The following AARS1 variants were observed in gnomAD, a reference collection of about 807,000 sequenced individuals.
AARS1 encodes the protein alanyl-tRNA synthetase 1.
In AARS1, 72 loss-of-function variants were observed where a neutral mutation model predicts 108.9. The ratio of observed to expected loss-of-function variants is 0.66; its 90% CI spans 0.55 to 0.80. The LOEUF (loss-of-function observed/expected upper bound fraction) is 0.80, where lower values mean the gene tolerates loss of function less well. AARS1 is among the 30% of genes least tolerant of loss of function. The pLI, the probability that AARS1 is intolerant of heterozygous loss-of-function variation, is 0.00. For missense variants in AARS1, 1,193 were observed against 1,233.2 expected (o/e 0.97, Z 0.49); for synonymous variants, 489 against 465.7 (o/e 1.05, Z -0.64).
At chr16:70,258,807 G>A (rs570260020) in intron 14 of AARS1, among the ~76,000 whole-genome samples, 173 bp downstream of exon 14, 9 of 152,210 alleles carry the variant, frequency 5.9e-5, no homozygotes, top group South Asian at 4.1e-4. Context: ...CGCCCGCCTC[G>A]GCCTCCCAAA....
In AARS1 at chr16:70,252,738, C is replaced by T. The variant is rs953890281; in HGVS notation, c.2890G>A (p.Gly964Arg). 4 of 1,614,126 alleles carry T rather than the reference C, an allele frequency of 2.5e-6. No individual in the cohort carries two copies. Among genetic ancestry groups the T allele is most frequent in the Admixed American group, 3.3e-5 (2 of 60,026 alleles). ...TTCCCCACTCAGTTCTTTACATCCC[C>T]GAGGCGCAGCTGGGCGAAGGAAGTG... is the stretch of plus-strand genomic sequence containing the variant. ...LATSFAQLRL[G>R]DVKN The change falls in exon 21 of 21, where the codon GGG becomes AGG. Residue 964 changes from glycine to arginine, a missense_variant. By Grantham distance (125) the Gly-to-Arg change is moderately radical (BLOSUM62 -2). Transcript: ENST00000261772.
At chr16:70,284,161 C>T (rs927750387) in intron 1 of AARS1, among the ~76,000 whole-genome samples, 1 of 151,922 alleles carries the variant, frequency 6.6e-6, no homozygotes, top group Non-Finnish European at 1.5e-5. Context: ...AAAAAATTAG[C>T]CGGGCGTGGT....
At chr16:70,255,982 CCAGCTCGCTGAGCCTGAGTGTTCT>C in intron 15 of AARS1, 146 bp from the exon 16 acceptor site, 4 of 722,238 alleles carry the variant, frequency 5.5e-6, no homozygotes, top group Non-Finnish European at 9.7e-6. Flanking sequence ...AAGCGGGACA[CCAGCTCGCTGAGCCTGAGTGTTCT>C]CAGTTCTCAA....
chr16:70,282,452 T>C (rs561989058), intron 2 of AARS1, among the ~76,000 whole-genome samples, 168 bp downstream of exon 2: 2 of 151,408 alleles, frequency 1.3e-5, no homozygotes, highest in South Asian at 4.2e-4. Flanking sequence ...AGGCCCGCAA[T>C]ATTATTCCTC....
intron 9 of AARS1, among the ~76,000 whole-genome samples, chr16:70,266,932 G>T (rs1218237412): frequency 6.6e-6 from 1 of 151,996 alleles, no homozygotes; most frequent in Non-Finnish European, 1.5e-5. Context: ...CGCCTCCCCG[G>T]TTCAAGCAAT....
rs763540477 is a variant in AARS1, at chr16:70,258,263, G to A, written c.1993-46C>T. 9 of 1,549,710 alleles carry A rather than the reference G, an allele frequency of 5.8e-6. No homozygotes were observed. In the African/African-American group the frequency reaches 9.6e-5, roughly 16 times the overall value. On this transcript the variant is annotated intron_variant, in intron 14 of 20. Transcript: ENST00000261772. ...AAAAGAGCTGGAAGAGATCCCTGGA[G>A]GTGCGGTACGACGAGGCAGGAAAGC...
chr16:70,253,820 A>C lies in AARS1; in HGVS notation c.2521-20T>G. The C allele has an allele frequency of 1.9e-6, 3 of 1,614,174 alleles. No individual in the cohort carries two copies. The South Asian group carries it at 3.3e-5, about 18-fold the overall frequency. On this transcript the variant is annotated intron_variant, in intron 18 of 20. Transcript: ENST00000261772. ...TAACACCTGCAAGAAAAAAGTCCAG[A>C]ACAGCAGCTCAGACCAAAAGCCCAG...
chr16:70,276,532 C>G lies in AARS1; in HGVS notation c.433G>C (p.Gly145Arg). The G allele has an allele frequency of 1.2e-6, 2 of 1,614,154 alleles. No individual in the cohort carries two copies. ...TTGCATTCCAGATCTGCTTCTAAGC[C>G]AGCTGCTTCATCCCCGCCAAAGTAA... Reference protein sequence around the residue: ...VTYFGGDEAAGLEADLECKQI... With the variant: ...VTYFGGDEAARLEADLECKQI... The change falls in exon 4 of 21, where the codon GGC (glycine) becomes CGC (arginine). Residue 145 changes from glycine (G) to arginine (R), a missense_variant. Transcript: ENST00000261772.
chr16:70,269,517 G>A, intron 7 of AARS1, 101 bp downstream of exon 7: 2 of 1,535,370 alleles, frequency 1.3e-6, no homozygotes. Flanking sequence ...CTGGGCAACA[G>A]AGCAACACTC....
chr16:70,258,004 T>A (rs1283419101), intron 15 of AARS1, 29 bp downstream of exon 15: 20 of 1,612,858 alleles, frequency 1.2e-5, no homozygotes, highest in Non-Finnish European at 1.4e-5. Flanking sequence ...GTAGATGACC[T>A]GTCTACTCTG....
At chr16:70,253,132 G>C (rs552080964) in intron 20 of AARS1, 136 bp downstream of exon 20, 2 of 886,728 alleles carry the variant, frequency 2.3e-6, no homozygotes, top group Non-Finnish European at 1.8e-6. Flanking sequence ...CAATAAGAAG[G>C]CCTGGGTAAG....
At chr16:70,255,924 A>G (rs1391091783) in intron 15 of AARS1, 88 bp from the exon 16 acceptor site, 10 of 1,237,038 alleles carry the variant, frequency 8.1e-6, no homozygotes, top group Non-Finnish European at 1.2e-5. Flanking sequence ...AGAAGCAGGA[A>G]TGGGTTGACA....
At chr16:70,283,721 G>A (rs1263001075) in intron 1 of AARS1, among the ~76,000 whole-genome samples, 1 of 152,126 alleles carries the variant, frequency 6.6e-6, no homozygotes, top group South Asian at 2.1e-4. Context: ...CTGTACAAGG[G>A]ACCACCTGTA....
chr16:70,252,847 C>T lies in AARS1; in HGVS notation c.2781G>A (p.Met927Ile). 5 of 1,614,184 alleles carry T rather than the reference C, an allele frequency of 3.1e-6. No individual in the cohort carries two copies. The highest frequency in any genetic ancestry group is 4.2e-6 in the Non-Finnish European group (5 of 1,179,988). ...SEWVQQVSGL[M>I]DGKGGGKDVS... is the part of the protein sequence containing the mutation. ...CATCCTTGCCACCACCTTTACCGTC[C>T]ATCAAGCCTGACACCTGCTGCACCC... The change falls in exon 21 of 21, where the codon ATG becomes ATA. Residue 927 changes from methionine to isoleucine, a missense_variant. Met to Ile is a conservative substitution (Grantham distance 10, BLOSUM62 1). Coordinates refer to ENST00000261772, the MANE Select transcript of AARS1 (RefSeq NM_001605.3).
At chr16:70,253,494 G>GTA in intron 19 of AARS1, 113 bp from the exon 20 acceptor site, 1 of 1,089,212 alleles carries the variant, frequency 9.2e-7, no homozygotes. Context: ...CCCAGAGCAG[G>GTA]GGCTGTGCCC....
chr16:70,275,416 T>C (rs576134293), intron 4 of AARS1, among the ~76,000 whole-genome samples: 162 of 146,056 alleles, frequency 1.1e-3, no homozygotes, highest in Admixed American at 5.6e-3. Context: ...GAGATCGAGA[T>C]CATCCTGGCT....
At chr16:70,277,580 G>C (rs1960579544) in intron 2 of AARS1, among the ~76,000 whole-genome samples, 1 of 152,116 alleles carries the variant, frequency 6.6e-6, no homozygotes, top group Non-Finnish European at 1.5e-5. Flanking sequence ...CATATTAAGG[G>C]AATAATATCA....
intron 2 of AARS1, among the ~76,000 whole-genome samples, chr16:70,278,299 TCATGC>T (rs1567611053): frequency 1.3e-5 from 2 of 151,896 alleles, no homozygotes; most frequent in Non-Finnish European, 2.9e-5. Context: ...GCGCAGTGGC[TCATGC>T]CTGTAATCCC....
intron 15 of AARS1, among the ~76,000 whole-genome samples, chr16:70,257,509 A>G (rs570245782): frequency 1.2e-4 from 18 of 152,364 alleles, no homozygotes; most frequent in South Asian, 8.3e-4. Context: ...AAAAAGGCCC[A>G]GAGAGATACA....
Sources: allele counts gnomAD v4.1 joint callset (sites outside exome capture counted in the v4.1 genomes callset), GRCh38; gene constraint gnomAD v4.1.1; transcripts MANE v1.5; gene names NCBI Gene and HGNC (gene_info 2026-07-23, HGNC 2026-07-21).